FAF1: variants seen among roughly 807,000 people sequenced by gnomAD.
FAF1 encodes Fas associated factor 1.
A neutral mutation model predicts 92.5 loss-of-function variants in FAF1; 25 were observed. The observed-to-expected ratio is 0.27, with a 90% CI of 0.20 to 0.38. FAF1 has a LOEUF of 0.38. Among genes scored for constraint, FAF1 ranks in the 10% least tolerant of loss-of-function variants. The pLI is 1.00. For synonymous variants in FAF1, 234 were observed against 273.2 expected (o/e 0.86, Z 1.42); for missense variants, 636 against 793.3 (o/e 0.80, Z 2.38).
intron 1 of FAF1, among the ~76,000 whole-genome samples, chr1:50,871,247 C>T (rs185990541): frequency 1.3e-5 from 2 of 152,288 alleles, no homozygotes; most frequent in Non-Finnish European, 2.9e-5. Context: ...CATGAAAATG[C>T]AAGGTGAAGC....
chr1:50,620,129 G>A (rs1055775216), intron 8 of FAF1, among the ~76,000 whole-genome samples: 6 of 152,048 alleles, frequency 3.9e-5, no homozygotes, highest in African/African-American at 1.2e-4. Context: ...GGTTGGTCTC[G>A]AACTCCTGAC....
At position 50,928,782 on chromosome 1, in the gene FAF1, C is replaced by CAAA. The variant is rs1157426126; in HGVS notation, c.45+30982_45+30984dup. Reference sequence around the variant, plus strand: ...CAGGCAACAGTGCGAGACTCCACCTCAAAAAAAAAAAAAAAAAAAACTAGG... The same window carrying CAAA: ...CAGGCAACAGTGCGAGACTCCACCTCAAAAAAAAAAAAAAAAAAAAAAACTAGG... On this transcript the variant is annotated intron_variant, in intron 1 of 18. Coordinates refer to ENST00000396153, the MANE Select transcript of FAF1 (RefSeq NM_007051.3). Among the ~76,000 whole-genome samples the CAAA allele has an allele frequency of 2.7e-3, 108 of 39,714 alleles. 1 individual carries two copies. Among genetic ancestry groups the CAAA allele is most frequent in the African/African-American group, 8.2e-3 (94 of 11,394 alleles). The allele number at this position is 39,714 out of a possible 152,430, so 26.1% of individuals were successfully genotyped here. A position where few individuals can be genotyped will look rare whatever the true frequency, so the allele number is the denominator to read the frequency against.
intron 15 of FAF1, among the ~76,000 whole-genome samples, chr1:50,534,532 C>T (rs1476839377): frequency 6.6e-6 from 1 of 152,098 alleles, no homozygotes; most frequent in African/African-American, 2.4e-5. Context: ...CCTCAGCCTC[C>T]CAAAGTGCTG....
At chr1:50,720,881 C>T (rs958781866) in intron 6 of FAF1, among the ~76,000 whole-genome samples, 4 of 152,176 alleles carry the variant, frequency 2.6e-5, no homozygotes, top group Non-Finnish European at 5.9e-5. Flanking sequence ...CTTACCCTCT[C>T]ATAACTTGTA....
At chr1:50,775,288 C>T (rs1193743412) in intron 4 of FAF1, among the ~76,000 whole-genome samples, 3 of 152,052 alleles carry the variant, frequency 2.0e-5, no homozygotes, top group Admixed American at 2.0e-4. Context: ...AAGCACTACT[C>T]TGTGCCAAAC....
intron 8 of FAF1, among the ~76,000 whole-genome samples, chr1:50,650,680 A>G (rs1253991073): frequency 2.0e-5 from 3 of 152,234 alleles, no homozygotes; most frequent in African/African-American, 7.2e-5. Flanking sequence ...TATAAGCATT[A>G]TTAAATCCAG....
chr1:50,624,250 C>T (rs544022872), intron 8 of FAF1, among the ~76,000 whole-genome samples: 18 of 152,132 alleles, frequency 1.2e-4, no homozygotes, highest in Admixed American at 3.9e-4. Flanking sequence ...TGGGTTCAAG[C>T]GATTCTCCTG....
At chr1:50,934,819 T>C (rs1023161341) in intron 1 of FAF1, among the ~76,000 whole-genome samples, 1 of 152,362 alleles carries the variant, frequency 6.6e-6, no homozygotes, top group South Asian at 2.1e-4. Flanking sequence ...ATTTTTTTTC[T>C]TTCAACACTT....
At chr1:50,889,230 T>C (rs1263245112) in intron 1 of FAF1, among the ~76,000 whole-genome samples, 6 of 152,252 alleles carry the variant, frequency 3.9e-5, no homozygotes, top group African/African-American at 1.4e-4. Context: ...TCATTTTTTA[T>C]TGCATCTATT....
intron 6 of FAF1, among the ~76,000 whole-genome samples, chr1:50,710,933 G>T (rs1410813703): frequency 1.0e-5 from 1 of 96,692 alleles, no homozygotes; most frequent in African/African-American, 4.1e-5. Context: ...TTTTTGAGAT[G>T]GAGTCTTGCA....
At chr1:50,727,892 A>T (rs1457420667) in intron 6 of FAF1, among the ~76,000 whole-genome samples, 1 of 152,082 alleles carries the variant, frequency 6.6e-6, no homozygotes, top group Non-Finnish European at 1.5e-5. Context: ...GAGCTCTCGG[A>T]CCTTTGGCCA....
At chr1:50,831,099 T>C (rs916069973) in intron 2 of FAF1, among the ~76,000 whole-genome samples, 4 of 151,962 alleles carry the variant, frequency 2.6e-5, no homozygotes, top group Non-Finnish European at 5.9e-5. Flanking sequence ...ATTCAACATA[T>C]GCTAAAGGTG....
intron 1 of FAF1, among the ~76,000 whole-genome samples, chr1:50,915,718 G>A (rs537220819): frequency 6.6e-6 from 1 of 151,546 alleles, no homozygotes; most frequent in African/African-American, 2.4e-5. Context: ...ACCTTCTTAC[G>A]AGAAAAAAGG....
At chr1:50,638,982 G>C (rs1654194477) in intron 8 of FAF1, among the ~76,000 whole-genome samples, 1 of 152,142 alleles carries the variant, frequency 6.6e-6, no homozygotes, top group African/African-American at 2.4e-5. Flanking sequence ...ATTGGAGTCA[G>C]TCTCCTCCAT....
rs1352489607 is a variant in FAF1 at position 50,738,970 on chromosome 1, C to A, written c.460-16G>T. ...TTAGGACCGTCTGAAAAAGAAAAAA[C>A]ACAGCAAAAAATGAATGTTGATGTT... On this transcript the variant is annotated splice_polypyrimidine_tract_variant and intron_variant, in intron 5 of 18. Transcript: ENST00000396153. The A allele has an allele frequency of 6.8e-7, 1 of 1,468,530 alleles. No homozygotes were observed. The highest frequency in any genetic ancestry group is 1.9e-5 in the Admixed American group (1 of 53,528). 91.0% of individuals were successfully genotyped at this position (1,468,530 alleles called of 1,614,324 possible). A position where few individuals can be genotyped will look rare whatever the true frequency, so the allele number is the denominator to read the frequency against.
intron 5 of FAF1, among the ~76,000 whole-genome samples, chr1:50,743,740 AT>A (rs1481137192): frequency 6.6e-6 from 1 of 151,878 alleles, no homozygotes; most frequent in African/African-American, 2.4e-5. Context: ...GAACTAACTC[AT>A]TTTTTTTCCT....
chr1:50,907,191 TG>T (rs1644847075), intron 1 of FAF1, among the ~76,000 whole-genome samples: 2 of 152,236 alleles, frequency 1.3e-5, no homozygotes, highest in Non-Finnish European at 2.9e-5. Context: ...TTTATTGATT[TG>T]CGTAAGTTGA....
chr1:50,665,906 G>C (rs1655596561), intron 7 of FAF1, among the ~76,000 whole-genome samples: 1 of 152,144 alleles, frequency 6.6e-6, no homozygotes, highest in African/African-American at 2.4e-5. Flanking sequence ...GCCAGGTGCA[G>C]AGGATCACAC....
chr1:50,671,269 T>C (rs1655862598), intron 7 of FAF1, among the ~76,000 whole-genome samples: 1 of 151,668 alleles, frequency 6.6e-6, no homozygotes. Flanking sequence ...GCCAGGCATG[T>C]TGGTACGAAC....
Sources: allele counts gnomAD v4.1 joint callset (sites outside exome capture counted in the v4.1 genomes callset), GRCh38; gene constraint gnomAD v4.1.1; transcripts MANE v1.5; gene names NCBI Gene and HGNC (gene_info 2026-07-23, HGNC 2026-07-21).